MCMBP: variants seen among roughly 807,000 people sequenced by gnomAD.
The protein encoded by MCMBP is minichromosome maintenance complex binding protein, also known as mini-chromosome maintenance complex-binding protein.
A neutral mutation model predicts 81.3 loss-of-function variants in MCMBP; 31 were observed. The ratio of observed to expected loss-of-function variants is 0.38; its 90% CI spans 0.29 to 0.51. The LOEUF (loss-of-function observed/expected upper bound fraction) is 0.51. Among genes scored for constraint, MCMBP ranks in the 20% least tolerant of loss-of-function variants. The pLI is 0.87. For synonymous variants in MCMBP, 267 were observed against 275.9 expected (o/e 0.97, Z 0.32); for missense variants, 645 against 772.1 (o/e 0.84, Z 1.95).
At position 119,869,171 on chromosome 10, in the gene MCMBP, C is replaced by T. The variant is rs545896498; in HGVS notation, c.58+3356G>A. Among the ~76,000 whole-genome samples the T allele has an allele frequency of 9.9e-5, 15 of 152,264 alleles. No individual in the cohort carries two copies. The East Asian group carries it at 2.9e-3, about 29-fold the overall frequency. On this transcript the variant is annotated intron_variant, in intron 1 of 15. Coordinates refer to ENST00000369077, the MANE Select transcript of MCMBP (RefSeq NM_001256378.2). Reference sequence around the variant, plus strand: ...ATTGGAGATGAGGGTCTGGGTCGGGCGCGGTGGCTCACGCCTATAATCCCA... The same window carrying T: ...ATTGGAGATGAGGGTCTGGGTCGGGTGCGGTGGCTCACGCCTATAATCCCA...
intron 14 of MCMBP, among the ~76,000 whole-genome samples, chr10:119,834,791 G>C (rs576634201): frequency 1.9e-4 from 29 of 149,808 alleles, no homozygotes; most frequent in Non-Finnish European, 3.3e-4. Context: ...AACCTGGGGG[G>C]GTTGAGGCTG....
At chr10:119,837,251 T>C (rs1852280775) in intron 12 of MCMBP, among the ~76,000 whole-genome samples, 3 of 152,144 alleles carry the variant, frequency 2.0e-5, no homozygotes, top group South Asian at 4.1e-4. Context: ...GCAAATCTAA[T>C]ACCTAGCATC....
intron 14 of MCMBP, among the ~76,000 whole-genome samples, chr10:119,833,507 G>GAAAAAACAA (rs1852125195): frequency 6.6e-6 from 1 of 151,510 alleles, no homozygotes; most frequent in Non-Finnish European, 1.5e-5. Context: ...AAAAAGAAAA[G>GAAAAAACAA]AAAAAACAAA....
intron 1 of MCMBP, among the ~76,000 whole-genome samples, chr10:119,869,932 T>C (rs1853608553): frequency 6.6e-6 from 1 of 152,240 alleles, no homozygotes; most frequent in Non-Finnish European, 1.5e-5. Context: ...TGTGCTAATA[T>C]AATAGCCCCT....
At chr10:119,836,807 ACTTATT>A in intron 13 of MCMBP, 83 bp downstream of exon 13, 2 of 506,804 alleles carry the variant, frequency 3.9e-6, no homozygotes, top group Non-Finnish European at 6.3e-6. Context: ...AACAAATGTA[ACTTATT>A]AATAAGCGGT....
intron 4 of MCMBP, 129 bp from the exon 5 acceptor site, chr10:119,857,568 C>A (rs1454341207): frequency 9.3e-6 from 5 of 535,148 alleles, no homozygotes; most frequent in Non-Finnish European, 1.7e-5. Context: ...TAACAAGTAA[C>A]TAATTCCAAA....
At chr10:119,838,274 A>G (rs915863564) in intron 12 of MCMBP, among the ~76,000 whole-genome samples, 10 of 146,414 alleles carry the variant, frequency 6.8e-5, no homozygotes, top group Non-Finnish European at 1.5e-4. Context: ...ATTATATATT[A>G]TATATGATAT....
rs1165557640 is a variant in MCMBP at position 119,830,550 on chromosome 10, T to C, written c.*924A>G. The C allele has an allele frequency of 1.3e-5, 2 of 152,242 alleles. No individual in the cohort carries two copies. Among genetic ancestry groups the C allele is most frequent in the Non-Finnish European group, 2.9e-5 (2 of 68,048 alleles). 9.4% of individuals were successfully genotyped at this position (152,242 alleles called of 1,614,324 possible). Reference sequence around the variant, plus strand: ...AAACTTTCTAAAGGGGGTATTGCTTTTTAAGTTTCCTATTTTGTTTTCATA... The same window carrying C: ...AAACTTTCTAAAGGGGGTATTGCTTCTTAAGTTTCCTATTTTGTTTTCATA... On this transcript the variant is annotated 3_prime_UTR_variant, in exon 16 of 16. Transcript: ENST00000369077.
Position 119,830,959 on chromosome 10 carries a change from G to C in MCMBP, c.*515C>G, listed in dbSNP as rs1041739970. ...GTGGCCAAACATCTGGGAAATGACA[G>C]TACAGAATTTCATGTAGTCATGTGA... is the stretch of plus-strand genomic sequence containing the variant. On this transcript the variant is annotated 3_prime_UTR_variant, in exon 16 of 16. Transcript: ENST00000369077. 2 of 152,356 alleles carry C rather than the reference G, an allele frequency of 1.3e-5. No individual in the cohort carries two copies. Among genetic ancestry groups the C allele is most frequent in the Non-Finnish European group, 2.9e-5 (2 of 68,088 alleles). The allele number at this position is 152,356 out of a possible 1,614,324, so 9.4% of individuals were successfully genotyped here.
chr10:119,834,652 GCACACACACAAA>G (rs1034883145), intron 14 of MCMBP, among the ~76,000 whole-genome samples: 1 of 151,308 alleles, frequency 6.6e-6, no homozygotes, highest in African/African-American at 2.4e-5. Flanking sequence ...TCCCCTATCT[GCACACACACAAA>G]CACACACACA....
chr10:119,861,373 CTT>C (rs1853248675), intron 1 of MCMBP, among the ~76,000 whole-genome samples: 1 of 152,122 alleles, frequency 6.6e-6, no homozygotes, highest in Non-Finnish European at 1.5e-5. Context: ...CATCTGAGTA[CTT>C]GTTAGAAATG....
intron 12 of MCMBP, among the ~76,000 whole-genome samples, chr10:119,838,238 AATATATG>A (rs1852315314): frequency 6.8e-6 from 1 of 148,032 alleles, no homozygotes; most frequent in Non-Finnish European, 1.5e-5. Context: ...TAAAATATAT[AATATATG>A]ATATATATTA....
intron 1 of MCMBP, among the ~76,000 whole-genome samples, chr10:119,869,399 C>G (rs1165995883): frequency 2.0e-5 from 3 of 152,172 alleles, no homozygotes; most frequent in African/African-American, 7.2e-5. Flanking sequence ...TGGTGAAACC[C>G]TGTCTTTACT....
intron 7 of MCMBP, among the ~76,000 whole-genome samples, chr10:119,848,263 G>GA (rs548935997): frequency 6.6e-6 from 1 of 152,032 alleles, no homozygotes; most frequent in Non-Finnish European, 1.5e-5. Flanking sequence ...CAAGGCAGGG[G>GA]AAAAAATGGT....
intron 6 of MCMBP, among the ~76,000 whole-genome samples, chr10:119,852,300 A>C (rs1299027714): frequency 1.3e-5 from 2 of 151,992 alleles, no homozygotes; most frequent in Non-Finnish European, 2.9e-5. Context: ...ACATACTCGA[A>C]TATATTACAA....
chr10:119,867,682 G>A (rs1853521580), intron 1 of MCMBP, among the ~76,000 whole-genome samples: 1 of 152,192 alleles, frequency 6.6e-6, no homozygotes, highest in Admixed American at 6.5e-5. Flanking sequence ...GAAAGAGAAA[G>A]TGTGCAGAGA....
rs780248731 is a variant in MCMBP, at chr10:119,836,983, C to T, written c.1455G>A (p.Lys485=). ...GATGGTAGCTGAAGTCATAATCCAC[C>T]TTCTGCCACGTTATGAGGTTGCTCA... The part of the protein sequence containing the change: ...TALSNLITWQ[K]VDYDFSYHQM... The change falls in exon 13 of 16, where the codon AAG becomes AAA. Residue 485 remains lysine, a synonymous_variant. Coordinates refer to ENST00000369077, the MANE Select transcript of MCMBP (RefSeq NM_001256378.2). 14 of 1,613,648 alleles carry T rather than the reference C, an allele frequency of 8.7e-6. No individual in the cohort carries two copies. The African/African-American group carries it at 1.1e-4, about 12-fold the overall frequency.
intron 8 of MCMBP, among the ~76,000 whole-genome samples, chr10:119,845,131 A>G (rs1490657098): frequency 1.3e-5 from 2 of 152,232 alleles, no homozygotes; most frequent in Non-Finnish European, 2.9e-5. Context: ...CTAAAGCAGG[A>G]AAGTCATCAC....
chr10:119,846,333 C>T (rs1403481804), intron 8 of MCMBP, among the ~76,000 whole-genome samples: 4 of 152,094 alleles, frequency 2.6e-5, no homozygotes, highest in Admixed American at 2.6e-4. Context: ...TAAGTAAATA[C>T]ATTACTTGAA....
Sources: allele counts gnomAD v4.1 joint callset (sites outside exome capture counted in the v4.1 genomes callset), GRCh38; gene constraint gnomAD v4.1.1; transcripts MANE v1.5; gene names NCBI Gene and HGNC (gene_info 2026-07-23, HGNC 2026-07-21).